Variants in HS1BP3 observed in about 807,000 individuals in gnomAD.
HS1BP3 encodes the protein HCLS1-binding protein 3.
HS1BP3 carries 32 observed loss-of-function variants against 33.5 expected under a neutral mutation model. The observed-to-expected ratio is 0.95, with a 90% CI of 0.72 to 1.28. The LOEUF is 1.28. HS1BP3 is among the 50% of genes most tolerant of loss of function. The pLI is 0.00. For missense variants in HS1BP3, 486 were observed against 502.3 expected (o/e 0.97, Z 0.31); for synonymous variants, 187 against 209.2 (o/e 0.89, Z 0.92).
intron 4 of HS1BP3, among the ~76,000 whole-genome samples, chr2:20,631,118 C>T (rs937673225): frequency 1.3e-5 from 2 of 152,102 alleles, no homozygotes; most frequent in African/African-American, 2.4e-5. Flanking sequence ...TGCAAGTCAG[C>T]GCAGGGCCGT....
At chr2:20,642,827 A>G (rs966480519) in intron 2 of HS1BP3, among the ~76,000 whole-genome samples, 1 of 152,184 alleles carries the variant, frequency 6.6e-6, no homozygotes, top group Non-Finnish European at 1.5e-5. Flanking sequence ...ACTCACATTT[A>G]TCTGGTGCCC....
At chr2:20,636,126 C>T (rs148138739) in intron 4 of HS1BP3, 42 of 152,446 alleles carry the variant, frequency 2.8e-4, no homozygotes, top group African/African-American at 9.9e-4. Flanking sequence ...TGCACAGGAA[C>T]CAAGCGCACG....
intron 4 of HS1BP3, among the ~76,000 whole-genome samples, chr2:20,628,480 C>T (rs1376508465): frequency 6.6e-6 from 1 of 152,008 alleles, no homozygotes; most frequent in Non-Finnish European, 1.5e-5. Flanking sequence ...ACTAAAAATA[C>T]AAAAATTAGC....
chr2:20,630,924 G>T (rs1694947844), intron 4 of HS1BP3, among the ~76,000 whole-genome samples: 1 of 152,204 alleles, frequency 6.6e-6, no homozygotes, highest in African/African-American at 2.4e-5. Context: ...GCCACCTCCA[G>T]TGGGGCCTGG....
intron 1 of HS1BP3, among the ~76,000 whole-genome samples, chr2:20,646,684 GC>G (rs1317566856): frequency 6.6e-6 from 1 of 152,272 alleles, no homozygotes; most frequent in African/African-American, 2.4e-5. Context: ...CACACGCACA[GC>G]CAGCCCTCTG....
Position 20,611,108 on chromosome 2 carries a change from G to A in HS1BP3, c.178+12788C>T, listed in dbSNP as rs905828225. ...ACTTAGCATGTTTGTGATATCCATTGTGGTATGTCTGTTAGAGGGTTTTTC... is the reference window on the plus strand; with the variant it reads ...ACTTAGCATGTTTGTGATATCCATTATGGTATGTCTGTTAGAGGGTTTTTC... On this transcript the variant is annotated intron_variant, in intron 2 of 3. Coordinates refer to the HS1BP3 transcript ENST00000415264. The surrounding 1 kb of genome is among the most constrained non-coding windows in gnomAD (Gnocchi z 4.9). 6.6e-6 allele frequency among the ~76,000 whole-genome samples: 1 copy of A among 152,216 alleles called. No homozygotes were observed. Among genetic ancestry groups the A allele is most frequent in the African/African-American group, 2.4e-5 (1 of 41,450 alleles).
intron 4 of HS1BP3, chr2:20,638,160 TC>T (rs2149300270): frequency 1.7e-6 from 1 of 575,480 alleles, no homozygotes; most frequent in East Asian, 2.9e-5. Context: ...CACGGAGGAC[TC>T]TACCAAGCCC....
chr2:20,576,730 C>A (rs1043413310), intron 5 of HS1BP3, among the ~76,000 whole-genome samples: 2 of 152,192 alleles, frequency 1.3e-5, no homozygotes, highest in African/African-American at 2.4e-5. Flanking sequence ...CTTTTTATTC[C>A]ACAACAGAAA....
At chr2:20,589,704 A>T (rs1250128602), downstream of HS1BP3, among the ~76,000 whole-genome samples, 75 of 152,194 alleles carry the variant, frequency 4.9e-4, 3 homozygotes, top group Non-Finnish European at 8.8e-5. Context: ...AAGTGGCTCA[A>T]ATCCTAAGGC....
At position 20,582,822 on chromosome 2, in the gene HS1BP3, C is replaced by T. The variant is rs1693566249; in HGVS notation, c.303-22307G>A. Among the ~76,000 whole-genome samples the T allele has an allele frequency of 5.3e-5, 8 of 152,292 alleles. No homozygotes were observed. The South Asian group carries it at 1.7e-3, about 32-fold the overall frequency. On this transcript the variant is annotated intron_variant, in intron 5 of 5. Coordinates refer to the HS1BP3 transcript ENST00000446825. ...GGGCAGTGTCACACAGGAACAAACG[C>T]CCACTGTGCTGGGTCTCCTCTTCCC... is the stretch of plus-strand genomic sequence containing the variant.
At chr2:20,588,259 A>G (rs191650153), downstream of HS1BP3, among the ~76,000 whole-genome samples, 1 of 152,376 alleles carries the variant, frequency 6.6e-6, no homozygotes, top group Admixed American at 6.5e-5. Flanking sequence ...GGAACAAACA[A>G]TAAAGGCTAC....
intron 2 of HS1BP3, among the ~76,000 whole-genome samples, chr2:20,599,589 T>A (rs1694022919): frequency 1.3e-5 from 2 of 150,884 alleles, no homozygotes; most frequent in Non-Finnish European, 2.9e-5. Context: ...AAGGAAAATG[T>A]ATTCATGGAC....
chr2:20,620,756 T>C (rs141462910), intron 6 of HS1BP3, among the ~76,000 whole-genome samples: 55 of 152,334 alleles, frequency 3.6e-4, no homozygotes, highest in Admixed American at 7.2e-4. Flanking sequence ...ACAAGGAAAG[T>C]AGTTTCCAAA....
chr2:20,583,452 G>A (rs1197559581), intron 5 of HS1BP3, among the ~76,000 whole-genome samples: 1 of 152,110 alleles, frequency 6.6e-6, no homozygotes. Flanking sequence ...TCTCACTATG[G>A]GGGCAGCACA....
At chr2:20,563,806 A>G (rs1693059327) in intron 5 of HS1BP3, among the ~76,000 whole-genome samples, 1 of 152,086 alleles carries the variant, frequency 6.6e-6, no homozygotes, top group African/African-American at 2.4e-5. Flanking sequence ...AGTGTGGTTC[A>G]TGGACCAGCG....
intron 5 of HS1BP3, among the ~76,000 whole-genome samples, chr2:20,570,536 G>A (rs1476539797): frequency 6.6e-6 from 1 of 152,190 alleles, no homozygotes; most frequent in African/African-American, 2.4e-5. Context: ...ACAAAAGAGA[G>A]CCTCCATTGC....
chr2:20,638,793 GGGACCTA>G, intron 3 of HS1BP3, 141 bp from the exon 4 acceptor site: 2 of 658,342 alleles, frequency 3.0e-6, no homozygotes, highest in Middle Eastern at 2.9e-4. Context: ...CGTCCCTCCT[GGGACCTA>G]AGCAGGATGG....
intron 5 of HS1BP3, among the ~76,000 whole-genome samples, chr2:20,566,239 A>G (rs559951220): frequency 1.3e-5 from 2 of 152,310 alleles, no homozygotes; most frequent in African/African-American, 4.8e-5. Flanking sequence ...TGTTTCCCCT[A>G]TAACTGCCCA....
intron 2 of HS1BP3, among the ~76,000 whole-genome samples, chr2:20,603,746 T>A (rs1285195357): frequency 6.6e-6 from 1 of 152,258 alleles, no homozygotes; most frequent in South Asian, 2.1e-4. Flanking sequence ...ATGAATTATA[T>A]CTCAATGAAG....
Sources: allele counts gnomAD v4.1 joint callset (sites outside exome capture counted in the v4.1 genomes callset), GRCh38; gene constraint gnomAD v4.1.1; non-coding constraint Gnocchi (gnomAD v3.1); transcripts MANE v1.5; gene names NCBI Gene and HGNC (gene_info 2026-07-23, HGNC 2026-07-21).